Variants in UBR4 observed in about 807,000 individuals in gnomAD.
UBR4 encodes the protein ubiquitin protein ligase E3 component n-recognin 4, also known as E3 ubiquitin-protein ligase UBR4.
A neutral mutation model predicts 575.6 loss-of-function variants in UBR4; 124 were observed. That is an observed-to-expected ratio of 0.22 (90% CI 0.19 to 0.25). The LOEUF is 0.25. Among genes scored for constraint, UBR4 ranks in the 10% least tolerant of loss-of-function variants. The probability of loss-of-function intolerance (pLI) is 1.00; values close to 1 mark genes in which losing one functional copy is unlikely to be tolerated. For missense variants in UBR4, 4,818 were observed against 6,478.8 expected, an observed-to-expected ratio of 0.74 and a Z score of 8.80; for synonymous variants, 2,455 against 2,473.7, an observed-to-expected ratio of 0.99 and a Z score of 0.22.
chr1:19,104,717 A>C, intron 85 of UBR4, 51 bp from the exon 86 acceptor site: 1 of 1,571,946 alleles, frequency 6.4e-7, no homozygotes, highest in Non-Finnish European at 8.7e-7. Flanking sequence ...CAAGGATACC[A>C]GTTACCTCCA....
Position 19,179,136 on chromosome 1 carries a change from G to A in UBR4, c.2269C>T (p.Leu757Phe). 1 of 1,613,850 alleles carries A rather than the reference G, an allele frequency of 6.2e-7. No homozygotes were observed. The highest frequency in any genetic ancestry group is 1.3e-5 in the African/African-American group (1 of 75,024). Residue 757 changes from leucine to phenylalanine, a missense_variant, in exon 18 of 106, where the codon CTT (leucine) becomes TTT (phenylalanine). Transcript: ENST00000375254. ...LYIHPQSLSV[L>F]SRLLLIWQHK... ...TGCCAGATGAGCAGGAGGCGTGAAA[G>A]CACAGAGAGGCTTTGAGGGTGAATG...
At chr1:19,186,683 G>A (rs369177770) in intron 13 of UBR4, 26 bp from the exon 14 acceptor site, 394 of 1,606,068 alleles carry the variant, frequency 2.5e-4, no homozygotes, top group Non-Finnish European at 3.2e-4. Context: ...TTACAAAACC[G>A]GAGCCATCCT....
At chr1:19,140,638 C>T in intron 58 of UBR4, 150 bp downstream of exon 58, 1 of 763,746 alleles carries the variant, frequency 1.3e-6, no homozygotes, top group South Asian at 1.7e-5. Context: ...CAGCACTACA[C>T]CCTCCACACC....
chr1:19,139,395 T>A lies in UBR4; in HGVS notation c.8594-175A>T, dbSNP rs2083575397. On this transcript the variant is annotated intron_variant, in intron 58 of 105. Coordinates refer to ENST00000375254, the MANE Select transcript of UBR4 (RefSeq NM_020765.3). This position sits in a 1 kb window ranked among gnomAD's most constrained non-coding sequence, Gnocchi z 4.2. ...AAAAGGGAGAGATTTGCTTTGCTGG[T>A]TAATCACTAACAGGAACAAACACTA... Among the ~76,000 whole-genome samples, 2 of 152,336 alleles carry A rather than the reference T, an allele frequency of 1.3e-5. No homozygotes were observed. The highest frequency in any genetic ancestry group is 6.5e-5 in the Admixed American group (1 of 15,304).
In UBR4 at chr1:19,172,917, C is replaced by T. The variant is rs1175796277; in HGVS notation, c.3468G>A (p.Lys1156=). 1.2e-6 allele frequency: 2 copies of T among 1,614,052 alleles called. No homozygotes were observed. The highest frequency in any genetic ancestry group is 2.2e-5 in the East Asian group (1 of 44,890). The stretch of plus-strand genomic sequence containing the variant: ...GTTGCAGCGTGGCTGGAAGTAGGTT[C>T]TTGGTAATCTCAGACGACTTATGAG... The part of the protein sequence containing the change: ...TDPHKSSEIT[K]NLLPATLQLI... The change falls in exon 25 of 106, where the codon AAG becomes AAA. Residue 1156 remains lysine, a synonymous_variant. Transcript: ENST00000375254.
At chr1:19,118,791 T>G (rs1031503450) in intron 71 of UBR4, 81 bp downstream of exon 71, 3 of 1,413,000 alleles carry the variant, frequency 2.1e-6, no homozygotes, top group African/African-American at 2.8e-5. Context: ...TCAATTCCTA[T>G]GTAAGAGCCT....
intron 89 of UBR4, 33 bp from the exon 90 acceptor site, chr1:19,099,710 A>G (rs779415851): frequency 9.5e-6 from 15 of 1,583,140 alleles, no homozygotes; most frequent in Non-Finnish European, 1.3e-5. Context: ...CTGTTGTTCC[A>G]AATAATTGTA....
In UBR4 at chr1:19,160,911, C is replaced by T; in HGVS notation, c.5406+6G>A. On this transcript the variant is annotated splice_donor_region_variant and intron_variant, in intron 38 of 105. Transcript: ENST00000375254. The stretch of plus-strand genomic sequence containing the variant: ...CTGCTTACTAGGGAGCATCAGTCAG[C>T]CCCACCTGGTTCTGTAATTCCTCCC... The T allele has an allele frequency of 6.2e-7, 1 of 1,613,898 alleles. No homozygotes were observed. Among genetic ancestry groups the T allele is most frequent in the South Asian group, 1.1e-5 (1 of 91,032 alleles).
At chr1:19,180,265 T>G (rs2090770781) in intron 17 of UBR4, among the ~76,000 whole-genome samples, 1 of 152,156 alleles carries the variant, frequency 6.6e-6, no homozygotes, top group South Asian at 2.1e-4. Flanking sequence ...CTCAGCTCAC[T>G]GCAACCTCCA....
intron 22 of UBR4, 140 bp downstream of exon 22, chr1:19,174,179 C>A: frequency 1.7e-6 from 2 of 1,163,604 alleles, no homozygotes; most frequent in South Asian, 1.7e-5. Flanking sequence ...GCTACACAAA[C>A]TACCTAGAAA....
Position 19,109,161 on chromosome 1 carries a change from G to A in UBR4, c.12105+935C>T, listed in dbSNP as rs569147874. 7.2e-5 allele frequency among the ~76,000 whole-genome samples: 11 copies of A among 152,278 alleles called. No homozygotes were observed. In the South Asian group the frequency reaches 2.1e-3, roughly 29 times the overall value. On this transcript the variant is annotated intron_variant, in intron 81 of 105. Coordinates refer to ENST00000375254, the MANE Select transcript of UBR4 (RefSeq NM_020765.3). ...CATGAGGACTCTGTTGCCCAAAAGG[G>A]ATGGCCCATCAGACAGAACAGGAGT... is the stretch of plus-strand genomic sequence containing the variant.
Position 19,208,865 on chromosome 1 carries a change from C to A in UBR4, c.176+1208G>T, listed in dbSNP as rs563252301. 2.0e-5 allele frequency among the ~76,000 whole-genome samples: 3 copies of A among 152,314 alleles called. No individual in the cohort carries two copies. In the South Asian group the frequency reaches 6.2e-4, roughly 32 times the overall value. ...ACATGAGTATGAGTCAGGAAAAATACTGCCAATCCAAATGTTTAAAACAAA... is the reference window on the plus strand; with the variant it reads ...ACATGAGTATGAGTCAGGAAAAATAATGCCAATCCAAATGTTTAAAACAAA... On this transcript the variant is annotated intron_variant, in intron 1 of 105. Coordinates refer to ENST00000375254, the MANE Select transcript of UBR4 (RefSeq NM_020765.3).
At chr1:19,137,068 G>A (rs1015689266) in intron 60 of UBR4, among the ~76,000 whole-genome samples, 4 of 152,028 alleles carry the variant, frequency 2.6e-5, no homozygotes, top group African/African-American at 9.7e-5. Flanking sequence ...GGAGGTGGAG[G>A]TGAGTGGATC....
chr1:19,103,648 A>G (rs1457672271), intron 87 of UBR4, among the ~76,000 whole-genome samples: 2 of 152,234 alleles, frequency 1.3e-5, no homozygotes, highest in Non-Finnish European at 2.9e-5. Context: ...CACACAGTGA[A>G]GAAAAACTGA....
At position 19,141,509 on chromosome 1, in the gene UBR4, G is replaced by C; in HGVS notation, c.8326C>G (p.Leu2776Val). 1 of 1,609,342 alleles carries C rather than the reference G, an allele frequency of 6.2e-7. No homozygotes were observed. Among genetic ancestry groups the C allele is most frequent in the Non-Finnish European group, 8.5e-7 (1 of 1,177,630 alleles). The change falls in exon 57 of 106, where the codon CTG becomes GTG. Residue 2776 changes from leucine to valine, a missense_variant. Transcript: ENST00000375254. ...TTGTTGACATTTTCAGCTGTCTCCAGGACCATCGACTCAGACTGCAGAGAG... is the reference window on the plus strand; with the variant it reads ...TTGTTGACATTTTCAGCTGTCTCCACGACCATCGACTCAGACTGCAGAGAG... ...DFEMVSESMVLETAENVNNGN... is the reference protein window; with the variant it reads ...DFEMVSESMVVETAENVNNGN...
At chr1:19,203,439 G>A (rs75562889) in intron 1 of UBR4, among the ~76,000 whole-genome samples, 1,542 of 151,938 alleles carry the variant, frequency 0.01, 24 homozygotes, top group African/African-American at 0.035. Context: ...AGGTGGAATT[G>A]CAGTGAGCTG....
intron 60 of UBR4, among the ~76,000 whole-genome samples, chr1:19,137,292 A>T (rs1557734385): frequency 6.6e-6 from 1 of 150,924 alleles, no homozygotes; most frequent in East Asian, 1.9e-4. Context: ...AGAGGGAGAC[A>T]GTCTCGAAAA....
intron 103 of UBR4, chr1:19,080,107 GATGCAGCATATGGA>G (rs2148501393): frequency 6.6e-6 from 1 of 152,336 alleles, no homozygotes; most frequent in African/African-American, 2.4e-5. Flanking sequence ...ATTTGCTGTG[GATGCAGCATATGGA>G]TACTGGCCAA....
rs147890200 is a variant in UBR4, at chr1:19,137,841, T to G, written c.8906+166A>C. Reference sequence around the variant, plus strand: ...TATAATTCGAAGACAAAGACAGACCTAGAGCACTTCCTAAGACTTTAAACT... The same window carrying G: ...TATAATTCGAAGACAAAGACAGACCGAGAGCACTTCCTAAGACTTTAAACT... On this transcript the variant is annotated intron_variant, in intron 60 of 105. Transcript: ENST00000375254. 1.9e-3 allele frequency among the ~76,000 whole-genome samples: 295 copies of G among 152,354 alleles called. 1 individual carries two copies. Among genetic ancestry groups the G allele is most frequent in the African/African-American group, 6.8e-3 (282 of 41,578 alleles).
Sources: allele counts gnomAD v4.1 joint callset (sites outside exome capture counted in the v4.1 genomes callset), GRCh38; gene constraint gnomAD v4.1.1; non-coding constraint Gnocchi (gnomAD v3.1); transcripts MANE v1.5; gene names NCBI Gene and HGNC (gene_info 2026-07-23, HGNC 2026-07-21).